The following RARB variants were observed in gnomAD, a reference collection of about 807,000 sequenced individuals.
RARB encodes HBV-activated protein.
Under a neutral mutation model 51.9 loss-of-function variants are expected in RARB, and 17 were observed. That is an observed-to-expected ratio of 0.33 (90% confidence interval 0.22 to 0.49). RARB has a LOEUF of 0.49. Among genes scored for constraint, RARB ranks in the 20% least tolerant of loss-of-function variants. RARB has a pLI of 0.99. For missense variants in RARB, 369 were observed against 550.8 expected (o/e 0.67, Z 3.30); for synonymous variants, 215 against 195.4 (o/e 1.10, Z -0.84).
At chr3:24,968,330 T>G (rs1696322857) in intron 2 of RARB, among the ~76,000 whole-genome samples, 1 of 152,154 alleles carries the variant, frequency 6.6e-6, no homozygotes, top group Non-Finnish European at 1.5e-5. Flanking sequence ...AAGATCTTCA[T>G]TCTTTTGCTA....
At chr3:25,509,386 G>A (rs773373732) in intron 3 of RARB, among the ~76,000 whole-genome samples, 18 of 152,194 alleles carry the variant, frequency 1.2e-4, no homozygotes, top group Non-Finnish European at 2.1e-4. Flanking sequence ...TTTGGTTGCC[G>A]CTGTTGCTGC....
intron 5 of RARB, among the ~76,000 whole-genome samples, chr3:25,370,561 G>C (rs1037069144): frequency 3.3e-5 from 5 of 152,170 alleles, no homozygotes; most frequent in African/African-American, 1.2e-4. Flanking sequence ...AGTTTTTGGA[G>C]AGCGTAACTA....
chr3:25,056,621 T>A (rs1030034074), intron 2 of RARB, among the ~76,000 whole-genome samples: 19 of 152,278 alleles, frequency 1.2e-4, no homozygotes, highest in Admixed American at 6.5e-4. Context: ...TTCATTATAA[T>A]GAATTCTTTA....
chr3:25,464,190 G>GT (rs1412469518), intron 2 of RARB, among the ~76,000 whole-genome samples: 1 of 152,068 alleles, frequency 6.6e-6, no homozygotes, highest in Admixed American at 6.6e-5. Flanking sequence ...GTAACTCAGC[G>GT]TACCTGCTCT....
chr3:25,534,657 A>T, intron 3 of RARB, among the ~76,000 whole-genome samples: 1 of 151,640 alleles, frequency 6.6e-6, no homozygotes, highest in African/African-American at 2.4e-5. Flanking sequence ...GTTTTTGTTT[A>T]TTTCTTTTTC....
chr3:24,930,330 A>C (rs902110261), intron 2 of RARB, among the ~76,000 whole-genome samples: 4 of 152,046 alleles, frequency 2.6e-5, no homozygotes, highest in Admixed American at 2.6e-4. Context: ...CCAGGGGCGT[A>C]AGCTTTACCA....
chr3:24,919,074 G>C (rs570061232), intron 2 of RARB, among the ~76,000 whole-genome samples: 1 of 152,216 alleles, frequency 6.6e-6, no homozygotes, highest in South Asian at 2.1e-4. Context: ...AGCAATAAGA[G>C]TATGTCCCTC....
chr3:25,185,931 G>C (rs918809062), intron 5 of RARB, among the ~76,000 whole-genome samples: 3 of 152,050 alleles, frequency 2.0e-5, no homozygotes, highest in African/African-American at 7.2e-5. Flanking sequence ...TTTAGTACTT[G>C]TCACAGTTTT....
intron 4 of RARB, among the ~76,000 whole-genome samples, chr3:25,156,968 G>A (rs1700384784): frequency 6.6e-6 from 1 of 152,196 alleles, no homozygotes; most frequent in Non-Finnish European, 1.5e-5. Flanking sequence ...GCAGGCACTT[G>A]TAAAACCTCA....
intron 2 of RARB, among the ~76,000 whole-genome samples, chr3:24,859,104 T>C (rs1010985497): frequency 2.0e-5 from 3 of 150,682 alleles, no homozygotes; most frequent in African/African-American, 7.3e-5. Context: ...CTATGGTCAG[T>C]AATTCTCTTT....
chr3:25,487,071 CT>C (rs1169477782), intron 2 of RARB, among the ~76,000 whole-genome samples: 1 of 152,138 alleles, frequency 6.6e-6, no homozygotes, highest in East Asian at 1.9e-4. Context: ...CACACTTTCT[CT>C]CCTTTTGTGC....
At chr3:25,477,620 C>G (rs1029063191) in intron 2 of RARB, among the ~76,000 whole-genome samples, 2 of 152,102 alleles carry the variant, frequency 1.3e-5, no homozygotes, top group African/African-American at 2.4e-5. Context: ...TATAACAGCT[C>G]TATTATGTAA....
At chr3:25,244,932 G>A (rs758125882) in intron 5 of RARB, among the ~76,000 whole-genome samples, 13 of 152,118 alleles carry the variant, frequency 8.5e-5, no homozygotes, top group Non-Finnish European at 1.8e-4. Context: ...GTTATTGTGT[G>A]GGAGTCAAAG....
At chr3:25,372,727 A>G (rs1309588626) in intron 5 of RARB, among the ~76,000 whole-genome samples, 2 of 152,148 alleles carry the variant, frequency 1.3e-5, no homozygotes, top group Non-Finnish European at 2.9e-5. Flanking sequence ...TTGGGAGGCC[A>G]AGGTGGGAGA....
At chr3:24,835,430 G>A (rs1325201801) in intron 1 of RARB, among the ~76,000 whole-genome samples, 3 of 152,128 alleles carry the variant, frequency 2.0e-5, no homozygotes, top group Non-Finnish European at 2.9e-5. Context: ...CATCTTCACA[G>A]GGATGGTGAA....
chr3:24,889,211 T>C (rs1703324811), intron 2 of RARB, among the ~76,000 whole-genome samples: 1 of 152,098 alleles, frequency 6.6e-6, no homozygotes, highest in Non-Finnish European at 1.5e-5. Flanking sequence ...CTGATGGGAG[T>C]GCTATCATCA....
At chr3:25,319,827 T>C (rs796643148) in intron 5 of RARB, among the ~76,000 whole-genome samples, 11 of 152,272 alleles carry the variant, frequency 7.2e-5, no homozygotes, top group African/African-American at 2.4e-4. Context: ...CAGACATTTA[T>C]TGATTCAGGA....
intron 3 of RARB, among the ~76,000 whole-genome samples, chr3:25,557,885 C>T (rs1700124649): frequency 1.3e-5 from 2 of 152,196 alleles, no homozygotes. Flanking sequence ...CAAAGCTGCC[C>T]TGTTGCTTCT....
intron 5 of RARB, among the ~76,000 whole-genome samples, chr3:25,587,411 G>A (rs1444708505): frequency 6.6e-6 from 1 of 152,084 alleles, no homozygotes; most frequent in African/African-American, 2.4e-5. Context: ...ATTTAAACAT[G>A]TATAATATCT....
Sources: gnomAD v4.1 joint callset for allele counts (sites outside exome capture counted in the v4.1 genomes callset) on GRCh38, gnomAD v4.1.1 for gene constraint, MANE v1.5 for transcripts, NCBI Gene and HGNC (gene_info 2026-07-23, HGNC 2026-07-21) for gene names.